The following OR4E2 variants were observed in gnomAD, a reference collection of about 807,000 sequenced individuals.
OR4E2 encodes the protein olfactory receptor 4E2.
Under a neutral mutation model 11.0 loss-of-function variants are expected in OR4E2, and 9 were observed. The observed-to-expected ratio is 0.82, with a 90% CI of 0.49 to 1.43. The LOEUF (loss-of-function observed/expected upper bound fraction) is 1.43, where lower values mean the gene tolerates loss of function less well. Ranked by LOEUF, OR4E2 falls within the 40% of genes most tolerant of loss-of-function variation. OR4E2 has a pLI of 0.00. For missense variants in OR4E2, 441 were observed against 382.0 expected, an observed-to-expected ratio of 1.15 and a Z score of -1.29; for synonymous variants, 159 against 147.3, an observed-to-expected ratio of 1.08 and a Z score of -0.57.
At position 21,665,536 on chromosome 14, in the gene OR4E2, G is replaced by A. The variant is rs775574914; in HGVS notation, c.454G>A (p.Gly152Ser). The A allele has an allele frequency of 1.2e-6, 2 of 1,613,990 alleles. No homozygotes were observed. The highest frequency in any genetic ancestry group is 2.2e-5 in the East Asian group (1 of 44,882). The change falls in exon 4 of 4, where the codon GGT becomes AGT. Residue 152 changes from glycine to serine, a missense_variant. Transcript: ENST00000641524. ...IQLVFALWLG[G>S]TVHSLGQTFL... The stretch of plus-strand genomic sequence containing the variant: ...GCTTGTCTTTGCTCTCTGGTTGGGG[G>A]GTACTGTTCACTCACTAGGGCAGAC...
intron 3 of OR4E2, among the ~76,000 whole-genome samples, chr14:21,661,711 A>G (rs1377123203): frequency 7.2e-5 from 11 of 152,214 alleles, no homozygotes. Flanking sequence ...ACTCATTATT[A>G]TTATTATTCT....
chr14:21,659,893 T>G (rs1005639458), intron 2 of OR4E2, among the ~76,000 whole-genome samples: 2 of 151,894 alleles, frequency 1.3e-5, no homozygotes. Flanking sequence ...AGGTGATCAG[T>G]GCTTTCAAAA....
At chr14:21,664,002 T>C (rs747521512) in intron 3 of OR4E2, among the ~76,000 whole-genome samples, 6 of 152,266 alleles carry the variant, frequency 3.9e-5, no homozygotes, top group African/African-American at 7.2e-5. Flanking sequence ...CATTCTATCA[T>C]TGATGGGCAT....
chr14:21,657,408 T>TTCTTTC (rs1555338226), intron 2 of OR4E2, among the ~76,000 whole-genome samples: 14 of 141,386 alleles, frequency 9.9e-5, no homozygotes, highest in African/African-American at 1.5e-4. Context: ...CTTCCTTCCT[T>TTCTTTC]TCTTTCTTTC....
At chr14:21,662,491 G>A (rs1880384080) in intron 3 of OR4E2, among the ~76,000 whole-genome samples, 1 of 152,118 alleles carries the variant, frequency 6.6e-6, no homozygotes, top group African/African-American at 2.4e-5. Flanking sequence ...TAGTAAAGAT[G>A]AGGTTTCACC....
rs1272882984 is a variant in OR4E2 at position 21,667,279 on chromosome 14, T to C, written c.*1255T>C. Reference sequence around the variant, plus strand: ...ATTTTCCACATGGTCTGTCAACTTATAGAAATAATACTTGAGTATTCTGGA... The same window carrying C: ...ATTTTCCACATGGTCTGTCAACTTACAGAAATAATACTTGAGTATTCTGGA... On this transcript the variant is annotated 3_prime_UTR_variant, in exon 4 of 4. Coordinates refer to ENST00000641524, the MANE Select transcript of OR4E2 (RefSeq NM_001001912.3). 2.0e-5 allele frequency: 3 copies of C among 152,168 alleles called. No individual in the cohort carries two copies. The highest frequency in any genetic ancestry group is 2.1e-4 in the South Asian group (1 of 4,824). The allele number at this position is 152,168 out of a possible 1,614,324, so 9.4% of individuals were successfully genotyped here.
intron 2 of OR4E2, among the ~76,000 whole-genome samples, chr14:21,660,429 CTG>C (rs933649646): frequency 6.6e-6 from 1 of 152,034 alleles, no homozygotes; most frequent in Non-Finnish European, 1.5e-5. Context: ...CAGAGTGGGA[CTG>C]TGTTTTGAGT....
At chr14:21,654,810 T>A (rs1481342651) in intron 1 of OR4E2, among the ~76,000 whole-genome samples, 1 of 151,950 alleles carries the variant, frequency 6.6e-6, no homozygotes, top group African/African-American at 2.4e-5. Flanking sequence ...CTGTGGATTG[T>A]GGGTTTGGAA....
chr14:21,656,873 G>A (rs927296343), intron 2 of OR4E2, among the ~76,000 whole-genome samples: 1 of 152,182 alleles, frequency 6.6e-6, no homozygotes, highest in African/African-American at 2.4e-5. Flanking sequence ...TCCTCAAGAT[G>A]TCTGGGGTTA....
At position 21,661,296 on chromosome 14, in the gene OR4E2, A is replaced by G. The variant is rs59270689; in HGVS notation, c.-9+550A>G. Among the ~76,000 whole-genome samples, 394 of 152,330 alleles carry G rather than the reference A, an allele frequency of 2.6e-3. 18 individuals are homozygous for G. In the East Asian group the frequency reaches 0.068, roughly 26 times the overall value. ...AATATGTATATATGTTTGAATATGT[A>G]TAAATATTAATATGTTGAAGCATAT... On this transcript the variant is annotated intron_variant, in intron 3 of 3. Coordinates refer to ENST00000641524, the MANE Select transcript of OR4E2 (RefSeq NM_001001912.3).
chr14:21,666,673 A>C lies in OR4E2; in HGVS notation c.*649A>C. On this transcript the variant is annotated 3_prime_UTR_variant, in exon 4 of 4. Coordinates refer to ENST00000641524, the MANE Select transcript of OR4E2 (RefSeq NM_001001912.3). ...ACTATACACCCACAAGAATAGTAAA[A>C]ATTAAAAAGGTAGAAAATACCAAGT... 6.6e-6 allele frequency: 1 copy of C among 151,800 alleles called. No individual in the cohort carries two copies. The highest frequency in any genetic ancestry group is 3.2e-3 in the Middle Eastern group (1 of 316). The allele number at this position is 151,800 out of a possible 1,614,324, so 9.4% of individuals were successfully genotyped here. A position where few individuals can be genotyped will look rare whatever the true frequency, so the allele number is the denominator to read the frequency against.
intron 1 of OR4E2, among the ~76,000 whole-genome samples, 200 bp from the exon 2 acceptor site, chr14:21,656,302 A>G (rs542107650): frequency 1.3e-5 from 2 of 152,148 alleles, no homozygotes; most frequent in South Asian, 2.1e-4. Context: ...TGAGGCTGCA[A>G]TGAGCTGTGA....
intron 3 of OR4E2, among the ~76,000 whole-genome samples, chr14:21,664,683 C>T (rs1262453100): frequency 3.3e-5 from 5 of 152,146 alleles, no homozygotes; most frequent in Admixed American, 2.6e-4. Context: ...GAATGTATAT[C>T]TAATTTGATA....
intron 3 of OR4E2, among the ~76,000 whole-genome samples, chr14:21,661,412 CCCTT>C (rs1880318263): frequency 6.6e-6 from 1 of 152,182 alleles, no homozygotes; most frequent in African/African-American, 2.4e-5. Context: ...CTTTGTCCCT[CCCTT>C]CCTCACTCCC....
intron 2 of OR4E2, among the ~76,000 whole-genome samples, chr14:21,657,683 C>G (rs1273366677): frequency 1.3e-5 from 2 of 151,528 alleles, no homozygotes; most frequent in Admixed American, 6.6e-5. Flanking sequence ...CCCTACCTCC[C>G]AGGTTCAAGC....
rs755573369 is a variant in OR4E2 at position 21,665,668 on chromosome 14, G to A, written c.586G>A (p.Gly196Arg). Residue 196 changes from glycine to arginine, a missense_variant, in exon 4 of 4, where the codon GGA (glycine) becomes AGA (arginine). Transcript: ENST00000641524. ...GGCCTGCACAGATACATACCTCACA[G>A]GAATACTGATTGTGACCAATAGTGG... Reference protein sequence around the residue: ...KLACTDTYLTGILIVTNSGTI... With the variant: ...KLACTDTYLTRILIVTNSGTI... 1.2e-6 allele frequency: 2 copies of A among 1,614,136 alleles called. No homozygotes were observed. The highest frequency in any genetic ancestry group is 1.7e-6 in the Non-Finnish European group (2 of 1,180,028).
In OR4E2 at chr14:21,666,227, C is replaced by A. The variant is rs1427260468; in HGVS notation, c.*203C>A. On this transcript the variant is annotated 3_prime_UTR_variant, in exon 4 of 4. Transcript: ENST00000641524. ...CTATTATTTAAATAAAGCAAAAGAT[C>A]ATAGTGGAAGTTATAAGGAAAAATA... is the stretch of plus-strand genomic sequence containing the variant. The A allele has an allele frequency of 6.6e-6, 3 of 455,900 alleles. No individual in the cohort carries two copies. Among genetic ancestry groups the A allele is most frequent in the East Asian group, 7.4e-5 (2 of 27,152 alleles). 28.2% of individuals were successfully genotyped at this position (455,900 alleles called of 1,614,324 possible).
chr14:21,661,658 G>C (rs1421968944), intron 3 of OR4E2, among the ~76,000 whole-genome samples: 4 of 152,154 alleles, frequency 2.6e-5, no homozygotes, highest in Non-Finnish European at 1.5e-5. Context: ...CTAATGTGCA[G>C]CCACATTGAG....
chr14:21,662,806 C>G (rs1348517402), intron 3 of OR4E2, among the ~76,000 whole-genome samples: 1 of 151,994 alleles, frequency 6.6e-6, no homozygotes, highest in Non-Finnish European at 1.5e-5. Flanking sequence ...TTAAATAATA[C>G]TATAGTTAAT....
Sources: allele counts gnomAD v4.1 joint callset (sites outside exome capture counted in the v4.1 genomes callset), GRCh38; gene constraint gnomAD v4.1.1; transcripts MANE v1.5; gene names NCBI Gene and HGNC (gene_info 2026-07-23, HGNC 2026-07-21).